LSM12: variants seen among roughly 807,000 people sequenced by gnomAD.
The protein encoded by LSM12 is protein LSM12.
For missense variants in LSM12, 108 were observed against 238.9 expected (o/e 0.45, Z 3.61); for synonymous variants, 74 against 87.3 (o/e 0.85, Z 0.85).
upstream of LSM12, chr17:44,066,845 T>C (rs1295058154): frequency 6.8e-6 from 2 of 295,610 alleles, no homozygotes; most frequent in African/African-American, 4.4e-5. Context: ...TAAGGATAAA[T>C]GACCTACGTG....
At position 44,034,794 on chromosome 17, in the gene LSM12, A is replaced by C. The variant is rs1597879988; in HGVS notation, c.*1414T>G. ...ATCATGGCCAAAAAAATAGTAGTTA[A>C]CCCCCACCCCACCCCCAAAGCTCTA... On this transcript the variant is annotated 3_prime_UTR_variant, in exon 5 of 5. Coordinates refer to ENST00000293406, the MANE Select transcript of LSM12 (RefSeq NM_001371445.1). 6.1e-5 allele frequency: 5 copies of C among 82,490 alleles called. No individual in the cohort carries two copies. Among genetic ancestry groups the C allele is most frequent in the Admixed American group, 1.4e-4 (1 of 7,286 alleles). 5.1% of individuals were successfully genotyped at this position (82,490 alleles called of 1,614,324 possible). A position where few individuals can be genotyped will look rare whatever the true frequency, so the allele number is the denominator to read the frequency against.
At position 44,066,662 on chromosome 17, in the gene LSM12, A is replaced by T. The variant is rs892931360; in HGVS notation, c.-75T>A. On this transcript the variant is annotated 5_prime_UTR_variant, in exon 1 of 5. Transcript: ENST00000293406. ...AGCCGGGCCCCCAGTGAGCGCCGCG[A>T]CGCGACGGCGCGCACGGAGCGTGCT... 1.7e-5 allele frequency: 22 copies of T among 1,264,158 alleles called. No homozygotes were observed. The highest frequency in any genetic ancestry group is 3.1e-5 in the South Asian group (1 of 32,228). The allele number at this position is 1,264,158 out of a possible 1,614,324, so 78.3% of individuals were successfully genotyped here.
chr17:44,057,537 G>A (rs1332210595), intron 2 of LSM12, among the ~76,000 whole-genome samples: 17 of 151,084 alleles, frequency 1.1e-4, no homozygotes, highest in Admixed American at 4.6e-4. Context: ...GGAGGTGGGC[G>A]GATCATGAGG....
At chr17:44,038,662 G>A (rs1271038048) in intron 3 of LSM12, among the ~76,000 whole-genome samples, 1 of 147,404 alleles carries the variant, frequency 6.8e-6, no homozygotes, top group African/African-American at 2.4e-5. Flanking sequence ...TCAAAAAAAA[G>A]AGAGAGAGAA....
At chr17:44,041,290 AACAC>A (rs72358942) in intron 2 of LSM12, among the ~76,000 whole-genome samples, 6,072 of 110,244 alleles carry the variant, frequency 0.055, 554 homozygotes, top group East Asian at 0.42. Flanking sequence ...AAAAAAAACA[AACAC>A]ACACACACAC....
At chr17:44,040,420 C>T in intron 2 of LSM12, 164 bp from the exon 3 acceptor site, 1 of 567,118 alleles carries the variant, frequency 1.8e-6, no homozygotes. Context: ...CACGACATAC[C>T]TGAACAGTTA....
rs778044987 is a variant in LSM12, at chr17:44,063,789, T to C, written c.258+12A>G. 5 of 1,611,298 alleles carry C rather than the reference T, an allele frequency of 3.1e-6. No individual in the cohort carries two copies. The Admixed American group carries it at 5.0e-5, about 16-fold the overall frequency. ...CCATTTTAGAGAGCCAGATCTGCCC[T>C]TGAGTCCTTACCTTACTAACATTGA... On this transcript the variant is annotated intron_variant, in intron 2 of 4. Transcript: ENST00000293406.
chr17:44,058,972 C>T (rs2049758800), intron 2 of LSM12, among the ~76,000 whole-genome samples: 1 of 152,146 alleles, frequency 6.6e-6, no homozygotes, highest in African/African-American at 2.4e-5. Flanking sequence ...CATTTGCACT[C>T]CAGCCTGGGC....
At chr17:44,063,612 T>A (rs1372445772) in intron 2 of LSM12, among the ~76,000 whole-genome samples, 189 bp downstream of exon 2, 4 of 152,174 alleles carry the variant, frequency 2.6e-5, no homozygotes, top group Non-Finnish European at 4.4e-5. Flanking sequence ...AAGCTACTTC[T>A]TAAGATCTAC....
At chr17:44,051,894 G>A (rs2049649295) in intron 2 of LSM12, among the ~76,000 whole-genome samples, 1 of 151,990 alleles carries the variant, frequency 6.6e-6, no homozygotes, top group Non-Finnish European at 1.5e-5. Flanking sequence ...GATCACTTGA[G>A]GTCACGAGTT....
intron 2 of LSM12, among the ~76,000 whole-genome samples, chr17:44,048,481 CAAAAAAA>C (rs534794067): frequency 7.8e-5 from 5 of 64,418 alleles, no homozygotes; most frequent in Admixed American, 5.4e-4. Context: ...GACTCCATCT[CAAAAAAA>C]AAAAAAAAAA....
chr17:44,043,215 TC>T (rs2049518517), intron 2 of LSM12, among the ~76,000 whole-genome samples: 1 of 152,194 alleles, frequency 6.6e-6, no homozygotes, highest in Non-Finnish European at 1.5e-5. Context: ...CATTTCAGCC[TC>T]CCCGGGTAAG....
chr17:44,058,581 C>G (rs1203288111), intron 2 of LSM12, among the ~76,000 whole-genome samples: 1 of 152,072 alleles, frequency 6.6e-6, no homozygotes. Context: ...GCCTGTAAAC[C>G]CAGCACTTTG....
chr17:44,052,993 C>T (rs1222402922), intron 2 of LSM12, among the ~76,000 whole-genome samples: 1 of 152,098 alleles, frequency 6.6e-6, no homozygotes, highest in Non-Finnish European at 1.5e-5. Flanking sequence ...CTAACAACCT[C>T]CAGTTCAGCT....
At chr17:44,045,537 G>A (rs564484720) in intron 2 of LSM12, among the ~76,000 whole-genome samples, 29 of 152,108 alleles carry the variant, frequency 1.9e-4, no homozygotes, top group Non-Finnish European at 3.7e-4. Flanking sequence ...ACTAGTTGAT[G>A]GACAGTTGAT....
intron 2 of LSM12, among the ~76,000 whole-genome samples, chr17:44,049,048 G>A (rs1028152414): frequency 1.6e-4 from 25 of 152,128 alleles, no homozygotes; most frequent in Non-Finnish European, 2.2e-4. Flanking sequence ...AATTAGCACC[G>A]GGCATGGTGG....
Position 44,066,645 on chromosome 17 carries a change from C to A in LSM12, c.-58G>T, listed in dbSNP as rs907138110. 8 of 1,282,260 alleles carry A rather than the reference C, an allele frequency of 6.2e-6. No individual in the cohort carries two copies. In the African/African-American group the frequency reaches 1.3e-4, roughly 20 times the overall value. The allele number at this position is 1,282,260 out of a possible 1,614,324, so 79.4% of individuals were successfully genotyped here. A position where few individuals can be genotyped will look rare whatever the true frequency, so the allele number is the denominator to read the frequency against. On this transcript the variant is annotated 5_prime_UTR_variant, in exon 1 of 5. Transcript: ENST00000293406. ...CGGCAGCAGCGGGCGAAAGCCGGGC[C>A]CCCAGTGAGCGCCGCGACGCGACGG...
At chr17:44,065,158 C>T (rs927124469) in intron 1 of LSM12, among the ~76,000 whole-genome samples, 3 of 151,690 alleles carry the variant, frequency 2.0e-5, no homozygotes, top group East Asian at 3.9e-4. Flanking sequence ...AAAAAAAAGC[C>T]GGGCGGTGGC....
intron 2 of LSM12, among the ~76,000 whole-genome samples, chr17:44,049,191 A>AAC (rs1567958521): frequency 6.6e-5 from 10 of 151,908 alleles, no homozygotes; most frequent in African/African-American, 1.7e-4. Flanking sequence ...TGTCTTTAAA[A>AAC]AACAACAACA....
Sources: allele counts gnomAD v4.1 joint callset (sites outside exome capture counted in the v4.1 genomes callset), GRCh38; gene constraint gnomAD v4.1.1; transcripts MANE v1.5; gene names NCBI Gene and HGNC (gene_info 2026-07-23, HGNC 2026-07-21).